SBF2: variants seen among roughly 807,000 people sequenced by gnomAD.
SBF2 encodes myotubularin-related protein 13.
In SBF2, 112 loss-of-function variants were observed where a neutral mutation model predicts 225.2. That is an observed-to-expected ratio of 0.50 (90% confidence interval 0.43 to 0.58). The LOEUF (loss-of-function observed/expected upper bound fraction) is 0.58, where lower values mean the gene tolerates loss of function less well. Among genes scored for constraint, SBF2 ranks in the 20% least tolerant of loss-of-function variants. The pLI, the probability that SBF2 is intolerant of heterozygous loss-of-function variation, is 0.00. For missense variants in SBF2, 1,996 were observed against 2,206.2 expected (o/e 0.90, Z 1.91); for synonymous variants, 763 against 773.3 (o/e 0.99, Z 0.22).
chr11:9,949,991 C>G (rs1253168923), intron 16 of SBF2, among the ~76,000 whole-genome samples: 1 of 151,902 alleles, frequency 6.6e-6, no homozygotes, highest in Non-Finnish European at 1.5e-5. Context: ...CTTTATCTGT[C>G]AATTAAAAAA....
rs151009725 is a variant in SBF2 at position 10,238,963 on chromosome 11, G to A, written c.56-44976C>T. Among the ~76,000 whole-genome samples, 102 of 150,750 alleles carry A rather than the reference G, an allele frequency of 6.8e-4. 1 individual carries two copies. Among genetic ancestry groups the A allele is most frequent in the African/African-American group, 2.4e-3 (99 of 41,336 alleles). ...TAAAATAATAGTGGACGATGTTAAC[G>A]TAACTCTTGCAGCAACTGATGAGAA... On this transcript the variant is annotated intron_variant, in intron 1 of 39. Coordinates refer to ENST00000256190, the MANE Select transcript of SBF2 (RefSeq NM_030962.4).
intron 32 of SBF2, 39 bp from the exon 33 acceptor site, chr11:9,795,996 C>G: frequency 6.2e-7 from 1 of 1,606,884 alleles, no homozygotes; most frequent in Admixed American, 1.7e-5. Flanking sequence ...AAGAATCAAA[C>G]AGAACAAAAA....
chr11:9,941,342 A>T (rs570192927), intron 16 of SBF2, among the ~76,000 whole-genome samples: 76 of 152,264 alleles, frequency 5.0e-4, no homozygotes, highest in African/African-American at 1.6e-3. Flanking sequence ...ATAAAAAAAA[A>T]AAAATTATCC....
chr11:10,072,388 C>A (rs1950917750), intron 2 of SBF2, among the ~76,000 whole-genome samples: 1 of 152,138 alleles, frequency 6.6e-6, no homozygotes, highest in Non-Finnish European at 1.5e-5. Flanking sequence ...GGCCCAACAA[C>A]CTACTCACTT....
At chr11:9,978,538 A>C (rs890854153) in intron 13 of SBF2, among the ~76,000 whole-genome samples, 5 of 152,260 alleles carry the variant, frequency 3.3e-5, no homozygotes, top group African/African-American at 1.2e-4. Context: ...GCTCTTACCT[A>C]GTAATATAAT....
intron 2 of SBF2, among the ~76,000 whole-genome samples, chr11:10,121,750 A>G (rs891876832): frequency 6.6e-6 from 1 of 152,232 alleles, no homozygotes; most frequent in Non-Finnish European, 1.5e-5. Context: ...CTGTGCCTTC[A>G]GATCTGAAAA....
chr11:10,186,974 G>A (rs1956952722), intron 2 of SBF2, among the ~76,000 whole-genome samples: 1 of 152,216 alleles, frequency 6.6e-6, no homozygotes, highest in Admixed American at 6.5e-5. Context: ...AGCATGAACA[G>A]TGTGGCAGAG....
Position 9,847,094 on chromosome 11 carries a change from A to C in SBF2, c.2807-11T>G. ...CTGTCTGCTCACCCACTGTAAATAG[A>C]CAGGACACAGCTTCAGCAACAACAC... On this transcript the variant is annotated splice_polypyrimidine_tract_variant and intron_variant, in intron 22 of 39. Coordinates refer to ENST00000256190, the MANE Select transcript of SBF2 (RefSeq NM_030962.4). 1 of 1,613,636 alleles carries C rather than the reference A, an allele frequency of 6.2e-7. No individual in the cohort carries two copies.
intron 6 of SBF2, among the ~76,000 whole-genome samples, chr11:10,013,118 T>C (rs1284375004): frequency 4.6e-5 from 7 of 152,236 alleles, no homozygotes; most frequent in Admixed American, 4.6e-4. Flanking sequence ...AGACATTGTC[T>C]AGTTCTTCTA....
In SBF2 at chr11:10,241,196, C is replaced by CA. The variant is rs528072945; in HGVS notation, c.56-47210dup. Among the ~76,000 whole-genome samples the CA allele has an allele frequency of 9.9e-3, 1,500 of 151,922 alleles. 6 individuals are homozygous for CA. The highest frequency in any genetic ancestry group is 0.031 in the Middle Eastern group (9 of 292). On this transcript the variant is annotated intron_variant, in intron 1 of 39. Transcript: ENST00000256190. The stretch of plus-strand genomic sequence containing the variant: ...TGAAACTCCATCTCTACTAAAAATA[C>CA]AAAAAAATTAGCCAGGTGTGGTGGC...
At chr11:9,845,282 G>T (rs1283964141) in intron 24 of SBF2, among the ~76,000 whole-genome samples, 1 of 152,190 alleles carries the variant, frequency 6.6e-6, no homozygotes, top group Non-Finnish European at 1.5e-5. Context: ...TTTAGAAAGT[G>T]ATCAATATGG....
rs1866601291 is a variant in SBF2, at chr11:9,961,987, G to A, written c.1830C>T (p.Tyr610=). 6.2e-7 allele frequency: 1 copy of A among 1,613,746 alleles called. No homozygotes were observed. The highest frequency in any genetic ancestry group is 1.1e-5 in the South Asian group (1 of 91,068). ...RAILDHQQFD[Y]IIRMMNCTLQ... is the part of the protein sequence containing the mutation. ...GAGTACAATTCATCATCCTTATTAT[G>A]TAGTCAAACTGTTGATGGTCTAATA... Residue 610 remains tyrosine (Y), a synonymous_variant, in exon 16 of 40, where the codon TAC becomes TAT. Coordinates refer to ENST00000256190, the MANE Select transcript of SBF2 (RefSeq NM_030962.4).
At chr11:10,010,561 T>C (rs1948403922) in intron 6 of SBF2, among the ~76,000 whole-genome samples, 1 of 152,190 alleles carries the variant, frequency 6.6e-6, no homozygotes, top group Non-Finnish European at 1.5e-5. Flanking sequence ...TGTATGGTGT[T>C]ATTTCTGAGG....
At chr11:9,966,439 TC>T (rs1186584891) in intron 14 of SBF2, among the ~76,000 whole-genome samples, 1 of 152,238 alleles carries the variant, frequency 6.6e-6, no homozygotes, top group Non-Finnish European at 1.5e-5. Context: ...GGAATTTTTT[TC>T]CTTTGGAGAA....
intron 29 of SBF2, among the ~76,000 whole-genome samples, chr11:9,814,502 T>C (rs1245279966): frequency 6.6e-6 from 1 of 152,102 alleles, no homozygotes; most frequent in Non-Finnish European, 1.5e-5. Context: ...GAATGGTATC[T>C]CAATTAAAAA....
intron 15 of SBF2, among the ~76,000 whole-genome samples, chr11:9,963,388 T>G (rs1866705059): frequency 6.6e-6 from 1 of 152,028 alleles, no homozygotes; most frequent in Non-Finnish European, 1.5e-5. Flanking sequence ...TCGCTTGAAC[T>G]TGGGACGTAG....
intron 35 of SBF2, among the ~76,000 whole-genome samples, chr11:9,788,741 C>G (rs1229429521): frequency 6.6e-6 from 1 of 150,820 alleles, no homozygotes; most frequent in Non-Finnish European, 1.5e-5. Context: ...ACTACAGGCG[C>G]CCGCCACCAC....
intron 32 of SBF2, among the ~76,000 whole-genome samples, chr11:9,804,532 C>T (rs935575610): frequency 6.6e-6 from 1 of 152,190 alleles, no homozygotes; most frequent in African/African-American, 2.4e-5. Context: ...GTGTAACCAT[C>T]ACCACAATCA....
chr11:9,808,805 C>T (rs1853996732), intron 31 of SBF2, 96 bp downstream of exon 31: 3 of 907,928 alleles, frequency 3.3e-6, no homozygotes, highest in Non-Finnish European at 3.5e-6. Flanking sequence ...TCCATAAACA[C>T]ATTAGTCATT....
Sources: allele counts gnomAD v4.1 joint callset (sites outside exome capture counted in the v4.1 genomes callset), GRCh38; gene constraint gnomAD v4.1.1; transcripts MANE v1.5; gene names NCBI Gene and HGNC (gene_info 2026-07-23, HGNC 2026-07-21).